Variants in NBN observed in about 807,000 individuals in gnomAD.
NBN encodes nibrin.
In NBN, 88 loss-of-function variants were observed where a neutral mutation model predicts 90.8. The observed-to-expected ratio is 0.97, with a 90% CI of 0.82 to 1.16. The LOEUF is 1.16. NBN is among the 50% of genes most tolerant of loss of function. NBN has a pLI of 0.00. For synonymous variants in NBN, 328 were observed against 295.1 expected, an observed-to-expected ratio of 1.11 and a Z score of -1.14; for missense variants, 894 against 869.6, an observed-to-expected ratio of 1.03 and a Z score of -0.35.
chr8:89,981,927 G>A, intron 2 of NBN: 1 of 1,110,016 alleles, frequency 9.0e-7, no homozygotes, highest in East Asian at 4.8e-5. Flanking sequence ...AGAATACGAG[G>A]TTATAGGCTA....
chr8:89,981,747 A>G (rs1252869842), intron 2 of NBN: 1 of 554,538 alleles, frequency 1.8e-6, no homozygotes, highest in Admixed American at 3.3e-5. Context: ...TAGAACACAC[A>G]TGTTCTTTAT....
chr8:89,971,243 T>C lies in NBN; in HGVS notation c.632A>G (p.Asp211Gly). 1.2e-6 allele frequency: 2 copies of C among 1,613,342 alleles called. No homozygotes were observed. The highest frequency in any genetic ancestry group is 1.1e-5 in the South Asian group (1 of 91,070). The change falls in exon 6 of 16, where the codon GAT becomes GGT. Residue 211 changes from aspartate (D) to glycine (G), a missense_variant. Asp to Gly is a moderately conservative substitution (Grantham distance 94). Coordinates refer to ENST00000265433, the MANE Select transcript of NBN (RefSeq NM_002485.5). ...TTTTCTTTCCTGCCGTCCTGACAGATCAACATTTTTACTTCCAATAGATGG... is the reference window on the plus strand; with the variant it reads ...TTTTCTTTCCTGCCGTCCTGACAGACCAACATTTTTACTTCCAATAGATGG... ...DEPSIGSKNV[D>G]LSGRQERKQI...
intron 7 of NBN, among the ~76,000 whole-genome samples, chr8:89,966,095 G>A (rs1456885306): frequency 6.6e-6 from 1 of 152,130 alleles, no homozygotes; most frequent in African/African-American, 2.4e-5. Context: ...ATGCTCTACA[G>A]AAATTACATC....
Position 89,982,972 on chromosome 8 carries a change from C to A in NBN, c.38-117G>T, listed in dbSNP as rs1387937951. 4 of 1,092,986 alleles carry A rather than the reference C, an allele frequency of 3.7e-6. No homozygotes were observed. The African/African-American group carries it at 4.8e-5, about 13-fold the overall frequency. 67.7% of individuals were successfully genotyped at this position (1,092,986 alleles called of 1,614,324 possible). A position where few individuals can be genotyped will look rare whatever the true frequency, so the allele number is the denominator to read the frequency against. ...GGTATGACAAATATTAAATAAAACA[C>A]CTTTGTTATTCAAATGTTAGTCAAC... On this transcript the variant is annotated intron_variant, in intron 1 of 15. Transcript: ENST00000265433.
chr8:89,966,153 G>A (rs1032925725), intron 7 of NBN, among the ~76,000 whole-genome samples: 12 of 152,174 alleles, frequency 7.9e-5, no homozygotes, highest in African/African-American at 2.4e-4. Context: ...AGTCAACAGT[G>A]AGATAAATGT....
chr8:89,957,868 G>C (rs187520053), intron 9 of NBN, among the ~76,000 whole-genome samples: 11 of 152,168 alleles, frequency 7.2e-5, no homozygotes, highest in East Asian at 1.9e-4. Context: ...GCGGGCAGAG[G>C]GGGGAATGGT....
chr8:89,934,369 C>A lies in NBN; in HGVS notation c.*1213G>T, dbSNP rs1054016270. Reference sequence around the variant, plus strand: ...AGTAGAAATTGCAGATTGGCTCACCCAATTTCTGTTCCCTAGGAAGGCTGA... The same window carrying A: ...AGTAGAAATTGCAGATTGGCTCACCAAATTTCTGTTCCCTAGGAAGGCTGA... On this transcript the variant is annotated 3_prime_UTR_variant, in exon 16 of 16. Coordinates refer to ENST00000265433, the MANE Select transcript of NBN (RefSeq NM_002485.5). 12 of 233,006 alleles carry A rather than the reference C, an allele frequency of 5.2e-5. No homozygotes were observed. The Admixed American group carries it at 6.2e-4, about 12-fold the overall frequency. The allele number at this position is 233,006 out of a possible 1,614,324, so 14.4% of individuals were successfully genotyped here. A position where few individuals can be genotyped will look rare whatever the true frequency, so the allele number is the denominator to read the frequency against.
chr8:89,934,216 A>C lies in NBN; in HGVS notation c.*1366T>G, dbSNP rs1345364262. 1.3e-5 allele frequency: 3 copies of C among 231,486 alleles called. No homozygotes were observed. The highest frequency in any genetic ancestry group is 2.6e-5 in the Non-Finnish European group (3 of 117,094). The allele number at this position is 231,486 out of a possible 1,614,324, so 14.3% of individuals were successfully genotyped here. ...AGACTCAAATGACTCCATTTCATCA[A>C]CTAATATGCCCTGTCAATTCTACTT... On this transcript the variant is annotated 3_prime_UTR_variant, in exon 16 of 16. Transcript: ENST00000265433.
chr8:89,962,787 T>G (rs1811052164), intron 8 of NBN, among the ~76,000 whole-genome samples: 1 of 152,360 alleles, frequency 6.6e-6, no homozygotes, highest in South Asian at 2.1e-4. Flanking sequence ...ATAAACATTC[T>G]TATCCAAATA....
rs543890002 is a variant in NBN, at chr8:89,984,598, C to A, written c.-37G>T. 2.5e-6 allele frequency: 4 copies of A among 1,611,214 alleles called. No homozygotes were observed. In the South Asian group the frequency reaches 4.4e-5, roughly 18 times the overall value. ...CTCAGGGCTGGGGCCGACGTGCAAC[C>A]GCGTAACCGGGGCTGCTAGACGAGC... On this transcript the variant is annotated 5_prime_UTR_variant, in exon 1 of 16. Coordinates refer to ENST00000265433, the MANE Select transcript of NBN (RefSeq NM_002485.5).
chr8:89,953,528 T>G lies in NBN; in HGVS notation c.1561A>C (p.Asn521His), dbSNP rs2129700990. The G allele has an allele frequency of 6.2e-7, 1 of 1,613,836 alleles. No individual in the cohort carries two copies. Among genetic ancestry groups the G allele is most frequent in the Middle Eastern group, 1.7e-4 (1 of 6,058 alleles). Residue 521 changes from asparagine to histidine, a missense_variant, in exon 11 of 16, where the codon AAC (asparagine) becomes CAC (histidine). Physicochemically the swap from Asn to His is moderately conservative, Grantham distance 68. Transcript: ENST00000265433. ...TTTAAATCTGTATCTGTAAATAAGTTATTGTCTGAGTTTGTGTCCACAGGC... is the reference window on the plus strand; with the variant it reads ...TTTAAATCTGTATCTGTAAATAAGTGATTGTCTGAGTTTGTGTCCACAGGC... Reference protein sequence around the residue: ...NEPVDTNSDNNLFTDTDLKSI... With the variant: ...NEPVDTNSDNHLFTDTDLKSI...
chr8:89,976,288 CAGG>C (rs1451556808), intron 5 of NBN, among the ~76,000 whole-genome samples: 1 of 152,180 alleles, frequency 6.6e-6, no homozygotes, highest in Non-Finnish European at 1.5e-5. Flanking sequence ...TTCATATTTG[CAGG>C]AGTTCAGTCA....
rs576861066 is a variant in NBN, at chr8:89,958,930, T to G, written c.995-76A>C. ...TGAACATCTGGTCACTTAAAATTGT[T>G]AGACTATACCATGCTGAGGGGATTA... On this transcript the variant is annotated intron_variant, in intron 8 of 15. Transcript: ENST00000265433. 2.8e-5 allele frequency: 44 copies of G among 1,561,782 alleles called. No individual in the cohort carries two copies. The East Asian group carries it at 9.9e-4, about 35-fold the overall frequency.
chr8:89,940,704 C>T (rs755691315), intron 14 of NBN, among the ~76,000 whole-genome samples: 13 of 148,132 alleles, frequency 8.8e-5, no homozygotes, highest in Admixed American at 4.0e-4. Context: ...TAATAATCCA[C>T]GAATAAAAAG....
chr8:89,967,027 A>C (rs2129804906), intron 7 of NBN, among the ~76,000 whole-genome samples: 1 of 152,366 alleles, frequency 6.6e-6, no homozygotes, highest in South Asian at 2.1e-4. Flanking sequence ...TCCTCGAATA[A>C]CATCATTTCA....
intron 8 of NBN, 82 bp downstream of exon 8, chr8:89,964,328 A>C: frequency 2.1e-6 from 3 of 1,456,376 alleles, no homozygotes; most frequent in South Asian, 2.3e-5. Flanking sequence ...CACCCCTAGC[A>C]AGTATATGAG....
intron 7 of NBN, among the ~76,000 whole-genome samples, chr8:89,964,803 C>A (rs1162733781): frequency 6.6e-6 from 1 of 152,004 alleles, no homozygotes; most frequent in Non-Finnish European, 1.5e-5. Context: ...ACAGTACTAC[C>A]CAAATTAAAC....
intron 2 of NBN, chr8:89,982,499 A>C: frequency 1.8e-6 from 1 of 570,170 alleles, no homozygotes; most frequent in Non-Finnish European, 3.1e-6. Context: ...TAACTAAAAC[A>C]AAGAGTAAAT....
Position 89,969,445 on chromosome 8 carries a change from G to A in NBN, c.896+919C>T, listed in dbSNP as rs748664758. On this transcript the variant is annotated intron_variant, in intron 7 of 15. Coordinates refer to ENST00000265433, the MANE Select transcript of NBN (RefSeq NM_002485.5). ...AGGCAATTGCAGAAAACCTTTTACCGTTGAGTTTTAAGTTTCTCAAATGCA... is the reference window on the plus strand; with the variant it reads ...AGGCAATTGCAGAAAACCTTTTACCATTGAGTTTTAAGTTTCTCAAATGCA... 5.3e-5 allele frequency among the ~76,000 whole-genome samples: 8 copies of A among 152,030 alleles called. No individual in the cohort carries two copies. In the East Asian group the frequency reaches 7.7e-4, roughly 15 times the overall value.
Sources: gnomAD v4.1 joint callset for allele counts (sites outside exome capture counted in the v4.1 genomes callset) on GRCh38, gnomAD v4.1.1 for gene constraint, MANE v1.5 for transcripts, NCBI Gene and HGNC (gene_info 2026-07-23, HGNC 2026-07-21) for gene names.